Variants in IQANK1 observed in about 807,000 individuals in gnomAD.
IQANK1 encodes the protein IQ motif and ankyrin repeat domain-containing protein 1.
IQANK1 carries 30 observed loss-of-function variants against 22.6 expected under a neutral mutation model. The ratio of observed to expected loss-of-function variants is 1.33; its 90% CI spans 0.99 to 1.80. IQANK1 has a LOEUF of 1.80. IQANK1 is among the 40% of genes most tolerant of loss of function. The probability of loss-of-function intolerance (pLI) is 0.00; values close to 1 mark genes in which losing one functional copy is unlikely to be tolerated. For missense variants in IQANK1, 275 were observed against 235.2 expected, an observed-to-expected ratio of 1.17 and a Z score of -1.11; for synonymous variants, 122 against 99.6, an observed-to-expected ratio of 1.23 and a Z score of -1.34.
intron 3 of IQANK1, among the ~76,000 whole-genome samples, chr8:143,751,043 T>C (rs2129835873): frequency 6.6e-6 from 1 of 152,222 alleles, no homozygotes; most frequent in African/African-American, 2.4e-5. Context: ...TTGTGGTTAC[T>C]ATGGGGTTTA....
At chr8:143,756,687 G>T (rs1587480404) in intron 3 of IQANK1, among the ~76,000 whole-genome samples, 1 of 151,938 alleles carries the variant, frequency 6.6e-6, no homozygotes, top group South Asian at 2.1e-4. Flanking sequence ...TTTCTCAAAA[G>T]AATAGCTTAG....
chr8:143,736,171 C>T (rs967718620), intron 2 of IQANK1, among the ~76,000 whole-genome samples: 3 of 147,464 alleles, frequency 2.0e-5, no homozygotes, highest in Admixed American at 6.9e-5. Context: ...GACGGAGTCT[C>T]GCTCTTGTCA....
At chr8:143,768,636 G>C (rs1043423523) in intron 3 of IQANK1, among the ~76,000 whole-genome samples, 1 of 152,104 alleles carries the variant, frequency 6.6e-6, no homozygotes, top group Non-Finnish European at 1.5e-5. Context: ...TCCCTCTAGT[G>C]TGTTTTTAAT....
intron 3 of IQANK1, chr8:143,742,041 G>T (rs1256155514): frequency 1.0e-5 from 3 of 290,168 alleles, no homozygotes; most frequent in African/African-American, 2.2e-5. Context: ...TGATGTCCAC[G>T]AGCCTGTCTG....
intron 3 of IQANK1, among the ~76,000 whole-genome samples, 165 bp downstream of exon 3, chr8:143,740,113 C>A (rs1200928573): frequency 6.6e-6 from 1 of 152,052 alleles, no homozygotes; most frequent in Non-Finnish European, 1.5e-5. Flanking sequence ...CACCTGTGAG[C>A]GCTCGGCGCA....
intron 2 of IQANK1, among the ~76,000 whole-genome samples, chr8:143,737,986 C>T (rs1328425950): frequency 2.6e-5 from 4 of 152,306 alleles, no homozygotes; most frequent in East Asian, 1.9e-4. Flanking sequence ...GCTCAGACCC[C>T]GGAGCAGTGG....
At chr8:143,753,214 A>G (rs1819228890) in intron 3 of IQANK1, among the ~76,000 whole-genome samples, 1 of 151,576 alleles carries the variant, frequency 6.6e-6, no homozygotes, top group African/African-American at 2.4e-5. Context: ...GGGTTTTGCT[A>G]TGTTGCCCAG....
intron 7 of IQANK1, among the ~76,000 whole-genome samples, chr8:143,773,791 G>A (rs1002945011): frequency 5.9e-5 from 9 of 152,188 alleles, no homozygotes; most frequent in Non-Finnish European, 1.2e-4. Flanking sequence ...GGGCAGGGCC[G>A]AGGCGGTGGG....
chr8:143,760,190 C>A (rs542623396), intron 3 of IQANK1, among the ~76,000 whole-genome samples: 1 of 152,278 alleles, frequency 6.6e-6, no homozygotes, highest in African/African-American at 2.4e-5. Context: ...GCTGGGAGGG[C>A]AAGTCCTGCA....
intron 2 of IQANK1, among the ~76,000 whole-genome samples, chr8:143,737,483 G>A (rs1818773926): frequency 6.6e-6 from 1 of 152,224 alleles, no homozygotes; most frequent in Non-Finnish European, 1.5e-5. Context: ...AGTGCCCTGT[G>A]TGGCGGGCAC....
rs547376807 is a variant in IQANK1, at chr8:143,773,047, T to C, written c.789+565T>C. On this transcript the variant is annotated intron_variant, in intron 7 of 13. Coordinates refer to ENST00000527139, the MANE Select transcript of IQANK1 (RefSeq NM_001381874.1). Reference sequence around the variant, plus strand: ...CTGGCCGGGCGTGATGGCTCACACCTGTAATCTCAGCACTTTTGGGAGACT... The same window carrying C: ...CTGGCCGGGCGTGATGGCTCACACCCGTAATCTCAGCACTTTTGGGAGACT... Among the ~76,000 whole-genome samples, 73 of 152,210 alleles carry C rather than the reference T, an allele frequency of 4.8e-4. 1 individual carries two copies. The highest frequency in any genetic ancestry group is 2.6e-3 in the Admixed American group (39 of 15,290).
rs976079399 is a variant in IQANK1, at chr8:143,790,422, G to A, written c.1497G>A (p.Ala499=). ...LFPVVQRQLE[A]VQERYLSLLR... ...CAGTCGTGCAGCGGCAGCTGGAGGCGGTGCAGGAGAGGTACCTGTCGCTGC... is the reference window on the plus strand; with the variant it reads ...CAGTCGTGCAGCGGCAGCTGGAGGCAGTGCAGGAGAGGTACCTGTCGCTGC... The change falls in exon 14 of 14, where the codon GCG becomes GCA. Residue 499 remains alanine (A), a synonymous_variant. Transcript: ENST00000527139. The A allele has an allele frequency of 6.7e-5, 45 of 668,680 alleles. No individual in the cohort carries two copies. Among genetic ancestry groups the A allele is most frequent in the African/African-American group, 1.7e-4 (9 of 52,950 alleles). The allele number at this position is 668,680 out of a possible 1,614,324, so 41.4% of individuals were successfully genotyped here. A position where few individuals can be genotyped will look rare whatever the true frequency, so the allele number is the denominator to read the frequency against.
chr8:143,751,662 G>GTATATATATATATATATATA (rs1187068578), intron 3 of IQANK1, among the ~76,000 whole-genome samples: 3,223 of 53,596 alleles, frequency 0.06, 139 homozygotes, highest in Non-Finnish European at 0.11. Context: ...GTGTGTGTGT[G>GTATATATATATATATATATA]TGTATATATA....
intron 1 of IQANK1, among the ~76,000 whole-genome samples, chr8:143,734,671 C>T (rs149273094): frequency 6.6e-6 from 1 of 151,990 alleles, no homozygotes; most frequent in East Asian, 1.9e-4. Context: ...AGACACCAAC[C>T]CCACACACAA....
At chr8:143,764,514 T>C (rs1819451905) in intron 3 of IQANK1, among the ~76,000 whole-genome samples, 1 of 150,770 alleles carries the variant, frequency 6.6e-6, no homozygotes, top group African/African-American at 2.4e-5. Context: ...GGTGGGTGGA[T>C]CACCTGAGCC....
rs1354985029 is a variant in IQANK1, at chr8:143,739,949, G to A, written c.175+1G>A. The A allele has an allele frequency of 4.3e-6, 3 of 693,076 alleles. No homozygotes were observed. The highest frequency in any genetic ancestry group is 1.5e-5 in the South Asian group (1 of 66,582). 42.9% of individuals were successfully genotyped at this position (693,076 alleles called of 1,614,324 possible). On this transcript the variant is annotated splice_donor_variant, in intron 3 of 13. Transcript: ENST00000527139. LOFTEE classifies it high-confidence loss of function. ...GCTGAGAGCCCACAGGCCCCCACAG[G>A]TGAGAGCCCGCACGTCCCGCGCCGC... is the stretch of plus-strand genomic sequence containing the variant.
chr8:143,789,782 C>T lies in IQANK1; in HGVS notation c.1108C>T (p.Gln370Ter). ...CCAGGCCATCAAGGACACAGAGGCC[C>T]AGGTGGACAGGCTGCGGCAGGAGGC... The part of the protein sequence containing the change: ...TLQAIKDTEA[Q>*]VDRLRQEAQK... The change falls in exon 11 of 14, where the codon CAG becomes TAG. Residue 370 changes from glutamine to a stop codon, truncating the protein, a stop_gained. Coordinates refer to ENST00000527139, the MANE Select transcript of IQANK1 (RefSeq NM_001381874.1). LOFTEE classifies it high-confidence loss of function. 8.1e-7 allele frequency: 1 copy of T among 1,232,132 alleles called. No individual in the cohort carries two copies. Among genetic ancestry groups the T allele is most frequent in the Non-Finnish European group, 1.0e-6 (1 of 988,100 alleles). The allele number at this position is 1,232,132 out of a possible 1,614,324, so 76.3% of individuals were successfully genotyped here.
chr8:143,786,775 A>G (rs1319305591), intron 7 of IQANK1, among the ~76,000 whole-genome samples: 3 of 152,146 alleles, frequency 2.0e-5, no homozygotes, highest in African/African-American at 7.2e-5. Context: ...GTTTGCTGAG[A>G]AGGTGGCATA....
intron 3 of IQANK1, among the ~76,000 whole-genome samples, chr8:143,768,499 C>T (rs1554629421): frequency 1.3e-5 from 2 of 152,132 alleles, no homozygotes; most frequent in Admixed American, 6.5e-5. Context: ...CCCACTGAAA[C>T]GTGCGCCGGC....
Sources: allele counts gnomAD v4.1 joint callset (sites outside exome capture counted in the v4.1 genomes callset), GRCh38; gene constraint gnomAD v4.1.1; transcripts MANE v1.5; gene names NCBI Gene and HGNC (gene_info 2026-07-23, HGNC 2026-07-21).